Variants in GRIP1 observed in about 807,000 individuals in gnomAD.
The protein encoded by GRIP1 is glutamate receptor-interacting protein 1.
A neutral mutation model predicts 129.9 loss-of-function variants in GRIP1; 45 were observed. The observed-to-expected ratio is 0.35, with a 90% CI of 0.27 to 0.44. GRIP1 has a LOEUF of 0.44. Among genes scored for constraint, GRIP1 ranks in the 20% least tolerant of loss-of-function variants. The probability of loss-of-function intolerance (pLI) is 1.00; values close to 1 mark genes in which losing one functional copy is unlikely to be tolerated. For synonymous variants in GRIP1, 530 were observed against 520.8 expected, an observed-to-expected ratio of 1.02 and a Z score of -0.24; for missense variants, 1,196 against 1,396.8, an observed-to-expected ratio of 0.86 and a Z score of 2.29.
At chr12:66,696,429 G>A (rs940429714) in intron 1 of GRIP1, among the ~76,000 whole-genome samples, 2 of 152,012 alleles carry the variant, frequency 1.3e-5, no homozygotes, top group African/African-American at 4.8e-5. Flanking sequence ...TCATAAAGAG[G>A]CTACAAAGAG....
intron 1 of GRIP1, among the ~76,000 whole-genome samples, chr12:66,938,862 C>T (rs2041534947): frequency 6.6e-6 from 1 of 152,022 alleles, no homozygotes; most frequent in Non-Finnish European, 1.5e-5. Flanking sequence ...GAGGCTGAGG[C>T]AGGAGAATTG....
intron 1 of GRIP1, among the ~76,000 whole-genome samples, chr12:66,738,005 G>C (rs953082300): frequency 2.0e-5 from 3 of 152,124 alleles, no homozygotes; most frequent in African/African-American, 7.2e-5. Flanking sequence ...GTGGGAAGGA[G>C]GGCAGACAGA....
intron 1 of GRIP1, among the ~76,000 whole-genome samples, chr12:66,912,715 A>C (rs1410851149): frequency 6.6e-6 from 1 of 152,162 alleles, no homozygotes; most frequent in Non-Finnish European, 1.5e-5. Context: ...TCTTCAATAA[A>C]ATTTAAGAAA....
chr12:66,367,948 C>A (rs1230058762), intron 23 of GRIP1, among the ~76,000 whole-genome samples: 3 of 152,184 alleles, frequency 2.0e-5, no homozygotes, highest in Admixed American at 6.5e-5. Context: ...TCAGGCATGA[C>A]AACTGGCTTT....
At chr12:66,986,194 A>G in intron 1 of GRIP1, among the ~76,000 whole-genome samples, 1 of 152,138 alleles carries the variant, frequency 6.6e-6, no homozygotes, top group Non-Finnish European at 1.5e-5. Flanking sequence ...GCTGGAGAGG[A>G]TGTGGAGAAA....
chr12:66,381,623 A>C (rs925810996), intron 19 of GRIP1, among the ~76,000 whole-genome samples: 1 of 152,210 alleles, frequency 6.6e-6, no homozygotes, highest in African/African-American at 2.4e-5. Context: ...TTCCCTGGTG[A>C]AATTTCAACA....
intron 1 of GRIP1, among the ~76,000 whole-genome samples, chr12:67,052,892 C>G (rs1310578305): frequency 6.6e-6 from 1 of 152,100 alleles, no homozygotes; most frequent in East Asian, 1.9e-4. Flanking sequence ...ATAGTATGTT[C>G]AAATCTATAG....
At chr12:66,617,662 T>G (rs1292761373) in intron 1 of GRIP1, among the ~76,000 whole-genome samples, 1 of 152,010 alleles carries the variant, frequency 6.6e-6, no homozygotes, top group Non-Finnish European at 1.5e-5. Flanking sequence ...TCTGGGATAT[T>G]AACTTATTCT....
intron 1 of GRIP1, among the ~76,000 whole-genome samples, chr12:66,929,444 G>A (rs2041350875): frequency 6.6e-6 from 1 of 152,138 alleles, no homozygotes; most frequent in African/African-American, 2.4e-5. Flanking sequence ...ATATTGTCTG[G>A]CTTCCTCCCT....
chr12:66,679,945 G>A (rs889596435), upstream of GRIP1, among the ~76,000 whole-genome samples: 1 of 152,072 alleles, frequency 6.6e-6, no homozygotes, highest in Non-Finnish European at 1.5e-5. Flanking sequence ...TAAGAAGGCG[G>A]AGCACACCTC....
intron 24 of GRIP1, among the ~76,000 whole-genome samples, chr12:66,351,238 A>T (rs1432177837): frequency 6.6e-6 from 1 of 152,216 alleles, no homozygotes; most frequent in East Asian, 1.9e-4. Flanking sequence ...CTGCTTTGAA[A>T]GTCAGCTGTT....
At position 66,922,797 on chromosome 12, in the gene GRIP1, T is replaced by C. The variant is rs76176484; in HGVS notation, c.58+146253A>G. 3.0e-3 allele frequency among the ~76,000 whole-genome samples: 455 copies of C among 152,268 alleles called. 4 individuals carry two copies. The highest frequency in any genetic ancestry group is 4.8e-3 in the South Asian group (23 of 4,826). On this transcript the variant is annotated intron_variant, in intron 1 of 1. Transcript: ENST00000643019. ...ATGGCCAGAACTCCAGCAATTATCTTGTGAATATGAGGTGGTCTTGAGGAT... is the reference window on the plus strand; with the variant it reads ...ATGGCCAGAACTCCAGCAATTATCTCGTGAATATGAGGTGGTCTTGAGGAT...
At chr12:66,441,751 A>T (rs570944433) in intron 13 of GRIP1, among the ~76,000 whole-genome samples, 1 of 152,252 alleles carries the variant, frequency 6.6e-6, no homozygotes, top group African/African-American at 2.4e-5. Context: ...TTTCTCTAGT[A>T]TTAGCAGTGG....
intron 1 of GRIP1, among the ~76,000 whole-genome samples, chr12:66,865,582 T>G (rs1385953562): frequency 6.6e-6 from 1 of 150,468 alleles, no homozygotes; most frequent in Admixed American, 6.7e-5. Flanking sequence ...TGTTCATTAC[T>G]CCATCCATCC....
At chr12:66,465,037 C>T (rs144779559) in intron 8 of GRIP1, among the ~76,000 whole-genome samples, 17 of 150,462 alleles carry the variant, frequency 1.1e-4, no homozygotes, top group Non-Finnish European at 2.2e-4. Flanking sequence ...CTCTGCCTCG[C>T]GAGTTTAAGT....
intron 1 of GRIP1, among the ~76,000 whole-genome samples, chr12:66,647,021 A>G (rs1215160359): frequency 3.3e-5 from 5 of 152,182 alleles, no homozygotes; most frequent in Non-Finnish European, 7.3e-5. Context: ...GTACACACAG[A>G]TTAAGTAACT....
chr12:66,691,970 T>TA (rs1330272043), intron 1 of GRIP1, among the ~76,000 whole-genome samples: 4 of 152,174 alleles, frequency 2.6e-5, no homozygotes, highest in Non-Finnish European at 5.9e-5. Flanking sequence ...TATCTTTTTT[T>TA]AAAAAATAAA....
intron 7 of GRIP1, among the ~76,000 whole-genome samples, chr12:66,511,810 C>G (rs1030861787): frequency 6.6e-6 from 1 of 152,118 alleles, no homozygotes; most frequent in Non-Finnish European, 1.5e-5. Flanking sequence ...GTTTCTAAAG[C>G]CAGGATATAT....
At chr12:67,065,433 T>C (rs2043608518) in intron 1 of GRIP1, among the ~76,000 whole-genome samples, 1 of 152,140 alleles carries the variant, frequency 6.6e-6, no homozygotes, top group Non-Finnish European at 1.5e-5. Flanking sequence ...GGCAAGGGGG[T>C]GAAGTGCTAT....
Sources: gnomAD v4.1 joint callset for allele counts (sites outside exome capture counted in the v4.1 genomes callset) on GRCh38, gnomAD v4.1.1 for gene constraint, MANE v1.5 for transcripts, NCBI Gene and HGNC (gene_info 2026-07-23, HGNC 2026-07-21) for gene names.